SLC22A15: variants seen among roughly 807,000 people sequenced by gnomAD.
The protein encoded by SLC22A15 is solute carrier family 22 member 15.
In SLC22A15, 45 loss-of-function variants were observed where a neutral mutation model predicts 62.7. That is an observed-to-expected ratio of 0.72 (90% CI 0.56 to 0.92). SLC22A15 has a LOEUF of 0.92. Among genes scored for constraint, SLC22A15 ranks in the 40% least tolerant of loss-of-function variants. The probability of loss-of-function intolerance (pLI) is 0.00; values close to 1 mark genes in which losing one functional copy is unlikely to be tolerated. For missense variants in SLC22A15, 622 were observed against 665.6 expected (o/e 0.93, Z 0.72); for synonymous variants, 264 against 267.0 (o/e 0.99, Z 0.11).
intron 8 of SLC22A15, among the ~76,000 whole-genome samples, chr1:116,053,581 C>T (rs1241496928): frequency 6.6e-6 from 1 of 152,142 alleles, no homozygotes; most frequent in East Asian, 1.9e-4. Context: ...TCGAGAAGAG[C>T]AACTCCAAGA....
intron 10 of SLC22A15, among the ~76,000 whole-genome samples, chr1:116,065,677 C>G (rs1414763433): frequency 1.3e-5 from 2 of 152,086 alleles, no homozygotes; most frequent in African/African-American, 4.8e-5. Context: ...CCACCTCCTT[C>G]TCCATCATCT....
At position 115,992,197 on chromosome 1, in the gene SLC22A15, A is replaced by G. The variant is rs764880844; in HGVS notation, c.254A>G (p.His85Arg). The G allele has an allele frequency of 5.0e-6, 8 of 1,608,234 alleles. No homozygotes were observed. In the Admixed American group the frequency reaches 5.1e-5, roughly 10 times the overall value. Residue 85 changes from histidine (H) to arginine (R), a missense_variant, in exon 2 of 12, where the codon CAT (histidine) becomes CGT (arginine). By Grantham distance (29) the His-to-Arg change is conservative. Coordinates refer to ENST00000369503, the MANE Select transcript of SLC22A15 (RefSeq NM_018420.3). ...CTGACAGCCAACGGCAGTGAGATCC[A>G]TAAGCACGTGCATTTCAGCAGCAGC... ...WLLTANGSEI[H>R]KHVHFSSSFT...
intron 2 of SLC22A15, among the ~76,000 whole-genome samples, chr1:115,998,273 G>A (rs1482283881): frequency 1.3e-5 from 2 of 151,960 alleles, no homozygotes; most frequent in Non-Finnish European, 2.9e-5. Context: ...GTCTGGTTTT[G>A]GTGTCAGGGT....
rs1038418280 is a variant in SLC22A15 at position 116,026,815 on chromosome 1, T to G, written c.599-78T>G. On this transcript the variant is annotated intron_variant, in intron 4 of 11. Coordinates refer to ENST00000369503, the MANE Select transcript of SLC22A15 (RefSeq NM_018420.3). ...GGCTGACATCTCACCAGGAAGAAATTGGCTCTGTAACTTGGGGTTGGAAAT... is the reference window on the plus strand; with the variant it reads ...GGCTGACATCTCACCAGGAAGAAATGGGCTCTGTAACTTGGGGTTGGAAAT... 17 of 1,563,360 alleles carry G rather than the reference T, an allele frequency of 1.1e-5. No homozygotes were observed. In the African/African-American group the frequency reaches 2.0e-4, roughly 19 times the overall value.
chr1:116,064,854 A>T (rs1658460381), intron 10 of SLC22A15, among the ~76,000 whole-genome samples: 1 of 152,088 alleles, frequency 6.6e-6, no homozygotes, highest in African/African-American at 2.4e-5. Flanking sequence ...ATATCATCAC[A>T]TGCAGTCCTC....
rs774968267 is a variant in SLC22A15, at chr1:116,066,677, C to CATT, written c.1526_1528dup (p.Leu509dup). 3.7e-6 allele frequency: 6 copies of CATT among 1,612,820 alleles called. No individual in the cohort carries two copies. Among genetic ancestry groups the CATT allele is most frequent in the Non-Finnish European group, 5.1e-6 (6 of 1,179,516 alleles). On this transcript the variant is annotated inframe_insertion, in exon 11 of 12. Coordinates refer to ENST00000369503, the MANE Select transcript of SLC22A15 (RefSeq NM_018420.3). ...TCGTATCGCAGGCTGGGAGAAGAAGCATTATCTTTACAGGCTTTGGACCCC... is the reference window on the plus strand; with the variant it reads ...TCGTATCGCAGGCTGGGAGAAGAAGCATTATTATCTTTACAGGCTTTGGACCCC...
rs1406043731 is a variant in SLC22A15, at chr1:115,993,428, A to AGAGTGTGTGTGT, written c.300+1186_300+1187insAGTGTGTGTGTG. 3.8e-3 allele frequency among the ~76,000 whole-genome samples: 540 copies of AGAGTGTGTGTGT among 143,540 alleles called. 2 individuals carry two copies. Among genetic ancestry groups the AGAGTGTGTGTGT allele is most frequent in the East Asian group, 0.013 (61 of 4,862 alleles). 94.2% of individuals were successfully genotyped at this position (143,540 alleles called of 152,430 possible). On this transcript the variant is annotated intron_variant, in intron 2 of 11. Transcript: ENST00000369503. Reference sequence around the variant, plus strand: ...TCTCCTGTGTGTGTGAGTGTGTGAGAGTGTGTGTGTGTGTGTGTGTGTGTG... The same window carrying AGAGTGTGTGTGT: ...TCTCCTGTGTGTGTGAGTGTGTGAGAGAGTGTGTGTGTGTGTGTGTGTGTGTGTGTGTGTGTG...
intron 5 of SLC22A15, 34 bp from the exon 6 acceptor site, chr1:116,031,332 A>G: frequency 2.0e-6 from 3 of 1,529,206 alleles, no homozygotes; most frequent in South Asian, 1.1e-5. Context: ...GTGTACCTAT[A>G]TGAATATACA....
At chr1:116,053,905 C>T (rs889434775) in intron 8 of SLC22A15, among the ~76,000 whole-genome samples, 38 of 151,750 alleles carry the variant, frequency 2.5e-4, no homozygotes, top group African/African-American at 8.9e-4. Context: ...CTGAAGGAAG[C>T]ACTAAACATG....
At chr1:115,995,082 A>C (rs1292614525) in intron 2 of SLC22A15, among the ~76,000 whole-genome samples, 1 of 151,968 alleles carries the variant, frequency 6.6e-6, no homozygotes, top group Non-Finnish European at 1.5e-5. Flanking sequence ...ATGATTCCTC[A>C]TTCGGTTTGG....
intron 5 of SLC22A15, among the ~76,000 whole-genome samples, chr1:116,028,399 G>T (rs1399860115): frequency 6.6e-6 from 1 of 151,564 alleles, no homozygotes; most frequent in Non-Finnish European, 1.5e-5. Context: ...AAATATTGAT[G>T]AATAAATAAA....
intron 1 of SLC22A15, among the ~76,000 whole-genome samples, chr1:115,990,780 C>G (rs569763032): frequency 6.6e-6 from 1 of 152,058 alleles, no homozygotes; most frequent in South Asian, 2.1e-4. Context: ...TTTTTTGATA[C>G]GGAGTCTTGC....
intron 8 of SLC22A15, among the ~76,000 whole-genome samples, chr1:116,048,225 A>G (rs1431141924): frequency 1.3e-5 from 2 of 152,212 alleles, no homozygotes; most frequent in Non-Finnish European, 2.9e-5. Context: ...TACAAGAAGT[A>G]CAAAGAACAC....
chr1:116,030,694 T>C (rs1317461935), intron 5 of SLC22A15, among the ~76,000 whole-genome samples: 1 of 152,220 alleles, frequency 6.6e-6, no homozygotes, highest in Non-Finnish European at 1.5e-5. Context: ...TAACTTCTAT[T>C]CTTTAAGGTC....
intron 8 of SLC22A15, among the ~76,000 whole-genome samples, chr1:116,061,500 T>C (rs1658378089): frequency 6.6e-6 from 1 of 152,092 alleles, no homozygotes; most frequent in South Asian, 2.1e-4. Context: ...GGAAGCCAGA[T>C]TGTAGTAAGT....
chr1:115,993,415 G>T (rs1000082460), intron 2 of SLC22A15, among the ~76,000 whole-genome samples: 1 of 144,104 alleles, frequency 6.9e-6, no homozygotes, highest in African/African-American at 2.9e-5. Context: ...TCCTGTGTGT[G>T]TGAGTGTGTG....
intron 5 of SLC22A15, among the ~76,000 whole-genome samples, chr1:116,029,952 T>TA (rs1657312542): frequency 6.6e-6 from 1 of 152,204 alleles, no homozygotes; most frequent in Non-Finnish European, 1.5e-5. Context: ...AATCAAGTGG[T>TA]TTTACGTAAT....
intron 8 of SLC22A15, among the ~76,000 whole-genome samples, chr1:116,041,332 A>T (rs1223783243): frequency 1.3e-5 from 2 of 152,216 alleles, no homozygotes; most frequent in Non-Finnish European, 2.9e-5. Context: ...GTAATTAGGG[A>T]TTCAAAAATA....
chr1:116,001,399 A>G (rs1442488130), intron 2 of SLC22A15, among the ~76,000 whole-genome samples: 2 of 152,044 alleles, frequency 1.3e-5, no homozygotes, highest in African/African-American at 4.8e-5. Context: ...AAGTTCTGTT[A>G]TTATCTCTTT....
Sources: allele counts gnomAD v4.1 joint callset (sites outside exome capture counted in the v4.1 genomes callset), GRCh38; gene constraint gnomAD v4.1.1; transcripts MANE v1.5; gene names NCBI Gene and HGNC (gene_info 2026-07-23, HGNC 2026-07-21).